Variants in BAALC observed in about 807,000 individuals in gnomAD.
The protein encoded by BAALC is BAALC binder of MAP3K1 and KLF4, also known as brain and acute leukemia cytoplasmic protein.
BAALC carries 9 observed loss-of-function variants against 15.5 expected under a neutral mutation model. The ratio of observed to expected loss-of-function variants is 0.58; its 90% CI spans 0.35 to 1.02. The LOEUF (loss-of-function observed/expected upper bound fraction) is 1.02, where lower values mean the gene tolerates loss of function less well. Among genes scored for constraint, BAALC ranks in the 50% least tolerant of loss-of-function variants. The probability of loss-of-function intolerance (pLI) is 0.02; values close to 1 mark genes in which losing one functional copy is unlikely to be tolerated. For synonymous variants in BAALC, 80 were observed against 74.6 expected (o/e 1.07, Z -0.37); for missense variants, 201 against 192.4 (o/e 1.04, Z -0.27).
chr8:103,176,571 A>G (rs928167224), intron 1 of BAALC, among the ~76,000 whole-genome samples: 3 of 152,152 alleles, frequency 2.0e-5, no homozygotes, highest in African/African-American at 7.2e-5. Context: ...GAGCAATCCT[A>G]GCGCCCACAC....
chr8:103,200,046 T>C (rs1812179761), intron 1 of BAALC, among the ~76,000 whole-genome samples: 1 of 152,208 alleles, frequency 6.6e-6, no homozygotes, highest in East Asian at 1.9e-4. Context: ...ATTTTCTTTA[T>C]CTAGTCTATC....
At chr8:103,196,004 A>T (rs79884240) in intron 1 of BAALC, among the ~76,000 whole-genome samples, 7,000 of 152,174 alleles carry the variant, frequency 0.046, 196 homozygotes, top group South Asian at 0.11. Context: ...TTTCCCAAAA[A>T]TTCATGTTTA....
chr8:103,194,672 C>G (rs1301693049), intron 1 of BAALC, among the ~76,000 whole-genome samples: 4 of 152,192 alleles, frequency 2.6e-5, no homozygotes, highest in African/African-American at 9.7e-5. Context: ...ATTTGTTTCA[C>G]ACAGTTCTAG....
chr8:103,202,010 C>A (rs973352021), intron 1 of BAALC, among the ~76,000 whole-genome samples: 3 of 152,100 alleles, frequency 2.0e-5, no homozygotes, highest in African/African-American at 7.2e-5. Context: ...AGTTTTGGGA[C>A]ACAGTAGGCA....
chr8:103,222,811 G>C (rs1232140671), intron 2 of BAALC, among the ~76,000 whole-genome samples: 1 of 152,158 alleles, frequency 6.6e-6, no homozygotes, highest in Non-Finnish European at 1.5e-5. Context: ...ACAACTTTTA[G>C]AGTTATTGTT....
intron 1 of BAALC, among the ~76,000 whole-genome samples, chr8:103,179,603 T>C (rs1212160364): frequency 6.6e-6 from 1 of 152,234 alleles, no homozygotes; most frequent in African/African-American, 2.4e-5. Flanking sequence ...TCGGCTAAAG[T>C]CACATAGCTA....
chr8:103,164,926 T>C (rs1355575605), intron 1 of BAALC, among the ~76,000 whole-genome samples: 2 of 152,150 alleles, frequency 1.3e-5, no homozygotes, highest in African/African-American at 2.4e-5. Flanking sequence ...GCTCATTACC[T>C]GTCCCCTAAA....
At chr8:103,190,921 C>G (rs146763807) in intron 1 of BAALC, 1 of 152,116 alleles carries the variant, frequency 6.6e-6, no homozygotes, top group African/African-American at 2.4e-5. Flanking sequence ...ACAGGCTGGG[C>G]GCAGTGGCTC....
At chr8:103,141,257 A>G in intron 1 of BAALC, 200 bp downstream of exon 1, 1 of 561,160 alleles carries the variant, frequency 1.8e-6, no homozygotes, top group Non-Finnish European at 2.8e-6. Flanking sequence ...CCCTTACCGA[A>G]GGCTGCGCCG....
chr8:103,171,449 G>GTGAGAAAGAAAT (rs1179285954), intron 1 of BAALC, among the ~76,000 whole-genome samples: 1 of 150,286 alleles, frequency 6.7e-6, no homozygotes, highest in African/African-American at 2.5e-5. Flanking sequence ...GAGAAAGAAA[G>GTGAGAAAGAAAT]TAAGAAAGAA....
chr8:103,171,426 AAAT>A (rs986661952), intron 1 of BAALC, among the ~76,000 whole-genome samples: 2 of 31,484 alleles, frequency 6.4e-5, no homozygotes, highest in African/African-American at 2.1e-4. Context: ...GAGAGAATGA[AAAT>A]AAAAAGAAAG....
chr8:103,198,147 A>C (rs1489226771), intron 1 of BAALC: 5 of 702,202 alleles, frequency 7.1e-6, no homozygotes, highest in Admixed American at 2.0e-5. Flanking sequence ...AAAGTTGGGC[A>C]TCCCAACCAT....
intron 1 of BAALC, among the ~76,000 whole-genome samples, chr8:103,152,968 C>T (rs1811016063): frequency 6.6e-6 from 1 of 152,178 alleles, no homozygotes; most frequent in South Asian, 2.1e-4. Context: ...TCCTCAAACC[C>T]AGTAAACTTT....
chr8:103,217,106 A>G (rs1387409485), intron 2 of BAALC, among the ~76,000 whole-genome samples: 1 of 152,244 alleles, frequency 6.6e-6, no homozygotes, highest in Non-Finnish European at 1.5e-5. Context: ...CAGATGATGC[A>G]TATCAATGAG....
intron 1 of BAALC, among the ~76,000 whole-genome samples, chr8:103,142,870 C>T (rs1174439340): frequency 7.9e-5 from 12 of 152,180 alleles, no homozygotes. Context: ...GGGCCTGGGA[C>T]AGACACACTC....
At chr8:103,213,697 G>A (rs903297136) in intron 2 of BAALC, 1 of 152,512 alleles carries the variant, frequency 6.6e-6, no homozygotes, top group Non-Finnish European at 1.5e-5. Flanking sequence ...CAGAATGAGC[G>A]CTCTTAGTAG....
At chr8:103,144,047 C>T (rs574798511) in intron 1 of BAALC, among the ~76,000 whole-genome samples, 1 of 152,338 alleles carries the variant, frequency 6.6e-6, no homozygotes, top group South Asian at 2.1e-4. Flanking sequence ...GAACCCACAA[C>T]CTCAACTCCA....
At chr8:103,169,071 A>G (rs1811416956) in intron 1 of BAALC, among the ~76,000 whole-genome samples, 1 of 151,776 alleles carries the variant, frequency 6.6e-6, no homozygotes, top group Non-Finnish European at 1.5e-5. Context: ...CATAGCCTTC[A>G]ATTATGAAAA....
At chr8:103,173,390 C>T (rs529513671) in intron 1 of BAALC, among the ~76,000 whole-genome samples, 5 of 152,244 alleles carry the variant, frequency 3.3e-5, no homozygotes, top group Admixed American at 6.5e-5. Context: ...TTCCTTTTTT[C>T]ACACTTCAAG....
Sources: gnomAD v4.1 joint callset for allele counts (sites outside exome capture counted in the v4.1 genomes callset) on GRCh38, gnomAD v4.1.1 for gene constraint, MANE v1.5 for transcripts, NCBI Gene and HGNC (gene_info 2026-07-23, HGNC 2026-07-21) for gene names.